Variants in PTPRO observed in about 807,000 individuals in gnomAD.
PTPRO encodes the protein protein tyrosine phosphatase receptor type O, also known as receptor-type tyrosine-protein phosphatase O.
In PTPRO, 62 loss-of-function variants were observed where a neutral mutation model predicts 145.2. That is an observed-to-expected ratio of 0.43 (90% CI 0.35 to 0.53). PTPRO has a LOEUF of 0.53. Among genes scored for constraint, PTPRO ranks in the 20% least tolerant of loss-of-function variants. The pLI, the probability that PTPRO is intolerant of heterozygous loss-of-function variation, is 0.01. For missense variants in PTPRO, 1,345 were observed against 1,482.7 expected, an observed-to-expected ratio of 0.91 and a Z score of 1.53; for synonymous variants, 565 against 514.7, an observed-to-expected ratio of 1.10 and a Z score of -1.32.
chr12:15,337,909 T>C (rs1343354837), intron 1 of PTPRO, among the ~76,000 whole-genome samples: 2 of 152,226 alleles, frequency 1.3e-5, no homozygotes, highest in African/African-American at 2.4e-5. Context: ...GAATGGGGAA[T>C]AGCTGCATGT....
Position 15,516,837 on chromosome 12 carries a change from T to C in PTPRO, c.1660T>C (p.Tyr554His). The C allele has an allele frequency of 1.9e-6, 3 of 1,612,306 alleles. No individual in the cohort carries two copies. Among genetic ancestry groups the C allele is most frequent in the East Asian group, 2.2e-5 (1 of 44,886 alleles). Residue 554 changes from tyrosine to histidine, a missense_variant, in exon 9 of 27, where the codon TAT (tyrosine) becomes CAT (histidine). Around this residue, in one of 3 missense-constraint regions of PTPRO, gnomAD observed 1,130 missense variants for 1,214.7 expected, o/e 0.93. Transcript: ENST00000281171. The stretch of plus-strand genomic sequence containing the variant: ...CGTGGTTCTGAGCTGGACCAGACCT[T>C]ATTTAGGCGTGTTCAGAAAATACGT... ...TAVVLSWTRP[Y>H]LGVFRKYVVE...
chr12:15,463,560 A>G (rs1565644665), intron 1 of PTPRO, among the ~76,000 whole-genome samples: 1 of 152,188 alleles, frequency 6.6e-6, no homozygotes, highest in Non-Finnish European at 1.5e-5. Flanking sequence ...ATAATTATAC[A>G]GGTAGGAGTT....
intron 12 of PTPRO, among the ~76,000 whole-genome samples, chr12:15,527,875 A>AACCCCCCCCCCCCCCCCCCCCCCC (rs1942873389): frequency 2.2e-5 from 3 of 137,648 alleles, no homozygotes; most frequent in Non-Finnish European, 3.1e-5. Flanking sequence ...GGGAACTGTG[A>AACCCCCCCCCCCCCCCCCCCCCCC]CCCGCCCACG....
chr12:15,354,973 C>T (rs1031365168), intron 1 of PTPRO, among the ~76,000 whole-genome samples: 4 of 152,254 alleles, frequency 2.6e-5, no homozygotes, highest in African/African-American at 9.6e-5. Flanking sequence ...TGCATTTCCC[C>T]CCAATACATT....
rs940723163 is a variant in PTPRO at position 15,569,448 on chromosome 12, A to G, written c.2779A>G (p.Ile927Val). The G allele has an allele frequency of 6.2e-6, 10 of 1,613,824 alleles. No individual in the cohort carries two copies. In the East Asian group the frequency reaches 2.0e-4, roughly 32 times the overall value. The change falls in exon 19 of 27, where the codon ATT becomes GTT. Residue 927 changes from isoleucine (I) to valine (V), a missense_variant. Transcript: ENST00000281171. The stretch of plus-strand genomic sequence containing the variant: ...TCAACTGGATGACTTTGATGCCTAT[A>G]TTAAGGATATGGCCAAAGACTCTGA... ...PVQLDDFDAYIKDMAKDSDYK... is the reference protein window; with the variant it reads ...PVQLDDFDAYVKDMAKDSDYK...
At chr12:15,530,452 C>T (rs1942938032) in intron 12 of PTPRO, among the ~76,000 whole-genome samples, 1 of 152,272 alleles carries the variant, frequency 6.6e-6, no homozygotes. Context: ...ATGGAACATT[C>T]TCCAGAATAT....
At chr12:15,409,679 G>A (rs767317105) in intron 1 of PTPRO, among the ~76,000 whole-genome samples, 2 of 152,164 alleles carry the variant, frequency 1.3e-5, no homozygotes, top group African/African-American at 2.4e-5. Flanking sequence ...TACAATCATG[G>A]TAGAAGGGGA....
chr12:15,554,950 G>C (rs1188887219), intron 15 of PTPRO, among the ~76,000 whole-genome samples: 2 of 152,122 alleles, frequency 1.3e-5, no homozygotes, highest in African/African-American at 4.8e-5. Context: ...ATATAAATTT[G>C]AGAGTTGTTG....
chr12:15,365,820 C>T (rs1328060652), intron 1 of PTPRO, among the ~76,000 whole-genome samples: 1 of 152,124 alleles, frequency 6.6e-6, no homozygotes, highest in Non-Finnish European at 1.5e-5. Flanking sequence ...ACACCCATCC[C>T]TGCACTAAAG....
chr12:15,457,977 G>A (rs1941217594), intron 1 of PTPRO, among the ~76,000 whole-genome samples: 1 of 151,908 alleles, frequency 6.6e-6, no homozygotes, highest in Admixed American at 6.6e-5. Context: ...CTTTTGTTCT[G>A]TCATTTCACA....
chr12:15,495,177 A>G (rs774482252), intron 2 of PTPRO, among the ~76,000 whole-genome samples: 79 of 152,030 alleles, frequency 5.2e-4, no homozygotes, highest in Admixed American at 9.8e-4. Flanking sequence ...AGACTATAGC[A>G]CATAGTCTAC....
chr12:15,340,657 G>A (rs1286628694), intron 1 of PTPRO, among the ~76,000 whole-genome samples: 3 of 152,122 alleles, frequency 2.0e-5, no homozygotes, highest in East Asian at 1.9e-4. Flanking sequence ...GTAATGTTAC[G>A]TGCTGATGGG....
At chr12:15,537,103 T>C (rs1733523041) in intron 12 of PTPRO, among the ~76,000 whole-genome samples, 1 of 152,086 alleles carries the variant, frequency 6.6e-6, no homozygotes, top group South Asian at 2.1e-4. Flanking sequence ...GAAAAGATTA[T>C]GGGACAGGCT....
At chr12:15,421,191 C>T (rs1212043796) in intron 1 of PTPRO, among the ~76,000 whole-genome samples, 2 of 152,124 alleles carry the variant, frequency 1.3e-5, no homozygotes, top group African/African-American at 4.8e-5. Context: ...ACCACAGTTC[C>T]TTTTACATCC....
chr12:15,550,729 A>G (rs1943434190), intron 14 of PTPRO, among the ~76,000 whole-genome samples: 1 of 152,182 alleles, frequency 6.6e-6, no homozygotes, highest in Admixed American at 6.5e-5. Flanking sequence ...AACCTTAGGG[A>G]TCAGATGCAC....
At chr12:15,347,750 T>C (rs1406968554) in intron 1 of PTPRO, among the ~76,000 whole-genome samples, 1 of 152,238 alleles carries the variant, frequency 6.6e-6, no homozygotes, top group Non-Finnish European at 1.5e-5. Flanking sequence ...GTTGATAATA[T>C]ATGATAAATT....
intron 18 of PTPRO, among the ~76,000 whole-genome samples, chr12:15,568,878 G>A (rs1316967925): frequency 6.6e-6 from 1 of 152,212 alleles, no homozygotes; most frequent in African/African-American, 2.4e-5. Flanking sequence ...TGGGGAGACT[G>A]TAGCTAGCAG....
chr12:15,367,717 C>T (rs1338362323), intron 1 of PTPRO, among the ~76,000 whole-genome samples: 2 of 152,198 alleles, frequency 1.3e-5, no homozygotes, highest in South Asian at 2.1e-4. Context: ...ACTCCACCCT[C>T]CCAGTTGATC....
intron 1 of PTPRO, among the ~76,000 whole-genome samples, chr12:15,445,641 T>C (rs910883841): frequency 6.6e-6 from 1 of 152,180 alleles, no homozygotes. Context: ...CAATCAATCA[T>C]GTGCTTACAC....
Sources: gnomAD v4.1 joint callset for allele counts (sites outside exome capture counted in the v4.1 genomes callset) on GRCh38, gnomAD v4.1.1 for gene constraint, gnomAD v4.1.1 regional missense constraint, MANE v1.5 for transcripts, NCBI Gene and HGNC (gene_info 2026-07-23, HGNC 2026-07-21) for gene names.